POLR1D: variants seen among roughly 807,000 people sequenced by gnomAD.
POLR1D encodes RNA polymerase I and III subunit D.
In POLR1D, 8 loss-of-function variants were observed where a neutral mutation model predicts 10.8. That is an observed-to-expected ratio of 0.74 (90% CI 0.43 to 1.33). The LOEUF (loss-of-function observed/expected upper bound fraction) is 1.33. POLR1D is among the 40% of genes most tolerant of loss of function. The probability of loss-of-function intolerance (pLI) is 0.01; values close to 1 mark genes in which losing one functional copy is unlikely to be tolerated. For missense variants in POLR1D, 152 were observed against 161.7 expected, an observed-to-expected ratio of 0.94 and a Z score of 0.32; for synonymous variants, 54 against 57.2, an observed-to-expected ratio of 0.94 and a Z score of 0.25.
intron 1 of POLR1D, among the ~76,000 whole-genome samples, chr13:27,640,479 C>G (rs1956163361): frequency 6.6e-6 from 1 of 152,296 alleles, no homozygotes; most frequent in Non-Finnish European, 1.5e-5. Context: ...GGCATGAATG[C>G]AATAGATCCT....
chr13:27,629,494 G>A (rs1015780654), intron 1 of POLR1D, among the ~76,000 whole-genome samples: 1 of 152,136 alleles, frequency 6.6e-6, no homozygotes, highest in East Asian at 1.9e-4. Flanking sequence ...AGCAAGCTGG[G>A]TTGGTTTATA....
rs918096759 is a variant in POLR1D at position 27,647,406 on chromosome 13, A to G, written c.27-973A>G. Reference sequence around the variant, plus strand: ...TATTATTATTATTTTTATTTTTTTTAGAGACCAGGTCTTGCTATGTTGCCC... The same window carrying G: ...TATTATTATTATTTTTATTTTTTTTGGAGACCAGGTCTTGCTATGTTGCCC... On this transcript the variant is annotated intron_variant, in intron 1 of 2. Coordinates refer to the POLR1D transcript ENST00000399697. Among the ~76,000 whole-genome samples, 13 of 151,576 alleles carry G rather than the reference A, an allele frequency of 8.6e-5. 1 individual carries two copies. In the East Asian group the frequency reaches 2.3e-3, roughly 27 times the overall value.
chr13:27,635,449 A>T (rs954556261), intron 1 of POLR1D, among the ~76,000 whole-genome samples: 4 of 151,838 alleles, frequency 2.6e-5, no homozygotes, highest in African/African-American at 9.7e-5. Context: ...TTGACCTCAG[A>T]CAAGGCAGCC....
At chr13:27,635,727 CAT>C (rs1380570712) in intron 1 of POLR1D, among the ~76,000 whole-genome samples, 21 of 107,078 alleles carry the variant, frequency 2.0e-4, no homozygotes, top group East Asian at 3.9e-4. Flanking sequence ...TATATATATA[CAT>C]ACACACATAT....
chr13:27,653,944 C>T (rs1344830208), intron 2 of POLR1D, among the ~76,000 whole-genome samples: 4 of 152,046 alleles, frequency 2.6e-5, no homozygotes, highest in Non-Finnish European at 4.4e-5. Flanking sequence ...AAAGGAAATA[C>T]ATATCAGAAA....
chr13:27,645,189 G>A (rs924451787), intron 1 of POLR1D, among the ~76,000 whole-genome samples: 7 of 152,142 alleles, frequency 4.6e-5, no homozygotes, highest in Admixed American at 1.3e-4. Context: ...CATTCCTTCC[G>A]CCTCTCCAGT....
rs1956389505 is a variant in POLR1D at position 27,663,874 on chromosome 13, T to C, written c.102-1812T>C. On this transcript the variant is annotated intron_variant, in intron 2 of 2. Coordinates refer to the POLR1D transcript ENST00000399697. The surrounding 1 kb of genome is among the most constrained non-coding windows in gnomAD (Gnocchi z 4.1). ...ATATCCAAGAGACATATGTAGTTCATTTGTCTATAAAAAAGATTTTGCTCT... is the reference window on the plus strand; with the variant it reads ...ATATCCAAGAGACATATGTAGTTCACTTGTCTATAAAAAAGATTTTGCTCT... Among the ~76,000 whole-genome samples, 1 of 152,174 alleles carries C rather than the reference T, an allele frequency of 6.6e-6. No individual in the cohort carries two copies. The highest frequency in any genetic ancestry group is 2.4e-5 in the African/African-American group (1 of 41,440).
Position 27,630,060 on chromosome 13 carries a change from C to A in POLR1D, c.26+8051C>A, listed in dbSNP as rs553865153. On this transcript the variant is annotated intron_variant, in intron 1 of 2. Transcript: ENST00000399697. Reference sequence around the variant, plus strand: ...CTGTGTAGCTGGGACTACAGGCACCCGCCACCAGGCCCGGCTAATTTTTGT... The same window carrying A: ...CTGTGTAGCTGGGACTACAGGCACCAGCCACCAGGCCCGGCTAATTTTTGT... 4.6e-5 allele frequency among the ~76,000 whole-genome samples: 7 copies of A among 152,168 alleles called. No homozygotes were observed. The South Asian group carries it at 1.5e-3, about 32-fold the overall frequency.
downstream of POLR1D, among the ~76,000 whole-genome samples, chr13:27,628,152 T>C (rs1316250914): frequency 6.6e-6 from 1 of 152,188 alleles, no homozygotes; most frequent in South Asian, 2.1e-4. Flanking sequence ...TTTACAAGGA[T>C]ATGAATCCAG....
intron 2 of POLR1D, among the ~76,000 whole-genome samples, chr13:27,656,317 T>C (rs1322095571): frequency 6.6e-6 from 1 of 152,138 alleles, no homozygotes; most frequent in East Asian, 1.9e-4. Context: ...TACAAATCAG[T>C]TTATAAAAAG....
rs1955971681 is a variant in POLR1D at position 27,623,267 on chromosome 13, C to G, written c.*17C>G. On this transcript the variant is annotated 3_prime_UTR_variant, in exon 2 of 2. Coordinates refer to ENST00000302979, the MANE Select transcript of POLR1D (RefSeq NM_015972.4). Reference sequence around the variant, plus strand: ...ACATTCTAGTCCTTTATGCAGTATACAAGGAGAACTGTCCTGTAGGATATT... The same window carrying G: ...ACATTCTAGTCCTTTATGCAGTATAGAAGGAGAACTGTCCTGTAGGATATT... The G allele has an allele frequency of 1.4e-5, 22 of 1,613,048 alleles. No homozygotes were observed. The highest frequency in any genetic ancestry group is 1.9e-5 in the Non-Finnish European group (22 of 1,179,826).
chr13:27,631,252 G>C (rs1956070335), intron 1 of POLR1D, among the ~76,000 whole-genome samples: 1 of 152,220 alleles, frequency 6.6e-6, no homozygotes, highest in South Asian at 2.1e-4. Context: ...AGGATTGCAT[G>C]GGAGACGATT....
rs1241024295 is a variant in POLR1D at position 27,635,888 on chromosome 13, A to G, written c.27-12491A>G. Reference sequence around the variant, plus strand: ...CTGGGACTCATTTTCTCACCACTATATTGTGGCTGCTTTCTTATTCTCTTA... The same window carrying G: ...CTGGGACTCATTTTCTCACCACTATGTTGTGGCTGCTTTCTTATTCTCTTA... On this transcript the variant is annotated intron_variant, in intron 1 of 2. Transcript: ENST00000399697. Among the ~76,000 whole-genome samples the G allele has an allele frequency of 2.0e-5, 3 of 152,032 alleles. No homozygotes were observed. The East Asian group carries it at 5.8e-4, about 29-fold the overall frequency.
At chr13:27,621,865 C>T (rs1276616967), upstream of POLR1D, 4 of 1,072,924 alleles carry the variant, frequency 3.7e-6, no homozygotes, top group Admixed American at 2.0e-5. Flanking sequence ...TCCCTCCTTC[C>T]GTCCTCCGCG....
chr13:27,628,589 A>G (rs908471309), intron 1 of POLR1D, among the ~76,000 whole-genome samples: 2 of 152,224 alleles, frequency 1.3e-5, no homozygotes, highest in African/African-American at 4.8e-5. Context: ...CAATGAAAGA[A>G]AAATTATGAA....
chr13:27,648,100 AAAGAT>A lies in POLR1D; in HGVS notation c.27-276_27-272del, dbSNP rs1378712762. The A allele has an allele frequency of 5.9e-5, 16 of 273,196 alleles. No individual in the cohort carries two copies. In the East Asian group the frequency reaches 1.2e-3, roughly 20 times the overall value. The allele number at this position is 273,196 out of a possible 1,614,324, so 16.9% of individuals were successfully genotyped here. A position where few individuals can be genotyped will look rare whatever the true frequency, so the allele number is the denominator to read the frequency against. Reference sequence around the variant, plus strand: ...CTTTTGGTTATTCAAATTAATAAGAAAAGATAATTCTTATATTAAGGATATATGAT... The same window carrying A: ...CTTTTGGTTATTCAAATTAATAAGAAAATTCTTATATTAAGGATATATGAT... On this transcript the variant is annotated intron_variant, in intron 1 of 2. Transcript: ENST00000399697.
At chr13:27,662,599 T>C (rs796592183) in intron 2 of POLR1D, among the ~76,000 whole-genome samples, 11 of 152,338 alleles carry the variant, frequency 7.2e-5, no homozygotes, top group African/African-American at 2.6e-4. Flanking sequence ...TGCAGTTTGC[T>C]GTATGCCAGA....
intron 2 of POLR1D, among the ~76,000 whole-genome samples, chr13:27,652,000 C>T (rs779523736): frequency 6.6e-6 from 1 of 152,166 alleles, no homozygotes; most frequent in Non-Finnish European, 1.5e-5. Flanking sequence ...GGTGCCTCTA[C>T]TATTGTGAGT....
chr13:27,638,440 CTA>C (rs1956146037), intron 1 of POLR1D, among the ~76,000 whole-genome samples: 1 of 152,132 alleles, frequency 6.6e-6, no homozygotes. Context: ...AGACTAATTT[CTA>C]TGTGTATTTT....
Sources: gnomAD v4.1 joint callset for allele counts (sites outside exome capture counted in the v4.1 genomes callset) on GRCh38, gnomAD v4.1.1 for gene constraint, Gnocchi (gnomAD v3.1) non-coding constraint, MANE v1.5 for transcripts, NCBI Gene and HGNC (gene_info 2026-07-23, HGNC 2026-07-21) for gene names.